Variants in GABRB1 observed in about 807,000 individuals in gnomAD.
GABRB1 encodes gamma-aminobutyric acid receptor subunit beta-1.
A neutral mutation model predicts 51.6 loss-of-function variants in GABRB1; 17 were observed. The observed-to-expected ratio is 0.33, with a 90% CI of 0.23 to 0.49. GABRB1 has a LOEUF of 0.49. Among genes scored for constraint, GABRB1 ranks in the 20% least tolerant of loss-of-function variants. The pLI, the probability that GABRB1 is intolerant of heterozygous loss-of-function variation, is 0.99. For missense variants in GABRB1, 410 were observed against 600.6 expected (o/e 0.68, Z 3.32); for synonymous variants, 247 against 218.9 (o/e 1.13, Z -1.14).
At chr4:47,347,339 C>G (rs954855692) in intron 5 of GABRB1, among the ~76,000 whole-genome samples, 3 of 151,820 alleles carry the variant, frequency 2.0e-5, no homozygotes, top group African/African-American at 7.3e-5. Context: ...ATGTATTTCC[C>G]CCAAATGTGA....
At chr4:47,173,520 T>C (rs1050441803) in intron 4 of GABRB1, among the ~76,000 whole-genome samples, 3 of 152,154 alleles carry the variant, frequency 2.0e-5, no homozygotes, top group African/African-American at 4.8e-5. Context: ...AATGGAAAAC[T>C]GATATCAAAA....
At chr4:47,239,540 T>G (rs1444255199) in intron 4 of GABRB1, among the ~76,000 whole-genome samples, 2 of 152,240 alleles carry the variant, frequency 1.3e-5, no homozygotes, top group African/African-American at 4.8e-5. Context: ...ATCATTTCTA[T>G]ATAGCCTCAT....
intron 4 of GABRB1, among the ~76,000 whole-genome samples, chr4:47,171,227 C>A (rs949059776): frequency 1.3e-5 from 2 of 151,094 alleles, no homozygotes; most frequent in African/African-American, 4.9e-5. Flanking sequence ...AAATTCCTGA[C>A]CTTGATTGTA....
At chr4:47,132,803 A>C (rs1716483782) in intron 3 of GABRB1, among the ~76,000 whole-genome samples, 1 of 152,206 alleles carries the variant, frequency 6.6e-6, no homozygotes. Context: ...AGACCCAGAG[A>C]GTCTCCAGTG....
intron 3 of GABRB1, among the ~76,000 whole-genome samples, chr4:47,125,315 A>C (rs992734942): frequency 4.6e-5 from 7 of 152,116 alleles, no homozygotes; most frequent in Admixed American, 2.6e-4. Flanking sequence ...AAAATGTTAA[A>C]AGATGTTCTT....
At chr4:47,002,258 C>T (rs1560492245) in intron 1 of GABRB1, among the ~76,000 whole-genome samples, 1 of 152,182 alleles carries the variant, frequency 6.6e-6, no homozygotes, top group Non-Finnish European at 1.5e-5. Context: ...TCAACATTTA[C>T]TTTACAAGCT....
intron 4 of GABRB1, among the ~76,000 whole-genome samples, chr4:47,188,237 T>C (rs1441954022): frequency 6.6e-6 from 1 of 151,998 alleles, no homozygotes; most frequent in African/African-American, 2.4e-5. Context: ...ACAGTCAAAT[T>C]AACATCTTTT....
intron 3 of GABRB1, among the ~76,000 whole-genome samples, chr4:47,033,299 C>T (rs1287852410): frequency 6.6e-6 from 1 of 152,132 alleles, no homozygotes; most frequent in Non-Finnish European, 1.5e-5. Flanking sequence ...TTTCTTCCCT[C>T]TCTTTTTGGA....
chr4:47,169,504 CT>C (rs33940206), intron 4 of GABRB1, among the ~76,000 whole-genome samples: 20,692 of 143,474 alleles, frequency 0.14, 1,779 homozygotes, highest in East Asian at 0.32. Context: ...GTGGAAGGCA[CT>C]TTTTTTTTTT....
At chr4:47,240,754 G>A (rs537018185) in intron 4 of GABRB1, among the ~76,000 whole-genome samples, 135 of 152,160 alleles carry the variant, frequency 8.9e-4, no homozygotes, top group Non-Finnish European at 9.7e-4. Flanking sequence ...CAACCTAACA[G>A]AACTTTGGTG....
chr4:47,087,048 G>A (rs1286814168), intron 3 of GABRB1, among the ~76,000 whole-genome samples: 1 of 152,136 alleles, frequency 6.6e-6, no homozygotes, highest in Non-Finnish European at 1.5e-5. Flanking sequence ...CTCCACCTGG[G>A]TATAACCAAC....
chr4:47,128,138 A>G (rs1716248248), intron 3 of GABRB1, among the ~76,000 whole-genome samples: 1 of 151,856 alleles, frequency 6.6e-6, no homozygotes, highest in Non-Finnish European at 1.5e-5. Flanking sequence ...TAATCTAAAA[A>G]GATGTAATCT....
At chr4:47,238,180 T>C (rs771770845) in intron 4 of GABRB1, among the ~76,000 whole-genome samples, 6 of 151,928 alleles carry the variant, frequency 3.9e-5, no homozygotes, top group Admixed American at 6.6e-5. Flanking sequence ...GTAAGGCACA[T>C]TGCAGTAAAA....
At chr4:47,405,774 ATT>A (rs1341190696) in intron 7 of GABRB1, among the ~76,000 whole-genome samples, 1 of 152,192 alleles carries the variant, frequency 6.6e-6, no homozygotes, top group African/African-American at 2.4e-5. Flanking sequence ...TCTACACTAG[ATT>A]CCAACTTCTT....
intron 5 of GABRB1, among the ~76,000 whole-genome samples, chr4:47,386,919 G>C (rs943538874): frequency 1.2e-4 from 18 of 152,160 alleles, no homozygotes; most frequent in Admixed American, 1.0e-3. Context: ...AAAAATATGA[G>C]AAACATAGAG....
rs576224254 is a variant in GABRB1 at position 47,186,688 on chromosome 4, T to C, written c.461+25219T>C. 7.2e-5 allele frequency among the ~76,000 whole-genome samples: 11 copies of C among 151,892 alleles called. No homozygotes were observed. The South Asian group carries it at 1.9e-3, about 26-fold the overall frequency. On this transcript the variant is annotated intron_variant, in intron 4 of 8. Transcript: ENST00000295454. The stretch of plus-strand genomic sequence containing the variant: ...TCAGAAATTCTCTGTCTTGAACAAA[T>C]AACTCAAAAGGAATATTCTACTAAA...
intron 4 of GABRB1, among the ~76,000 whole-genome samples, chr4:47,286,511 CT>C (rs1723514997): frequency 6.6e-6 from 1 of 152,154 alleles, no homozygotes. Flanking sequence ...GACAAGCCCC[CT>C]GTGCTCCTGC....
chr4:47,421,340 C>T (rs150762033), intron 8 of GABRB1, among the ~76,000 whole-genome samples: 2 of 152,186 alleles, frequency 1.3e-5, no homozygotes, highest in African/African-American at 2.4e-5. Context: ...TAATTAGGAG[C>T]ATCTGTATGC....
chr4:47,403,630 A>T lies in GABRB1; in HGVS notation c.754A>T (p.Met252Leu). The change falls in exon 7 of 9, where the codon ATG (methionine) becomes TTG (leucine). Residue 252 changes from methionine (M) to leucine (L), a missense_variant. This residue lies in a region of GABRB1 where 37 missense variants were observed against 126.3 expected (regional missense o/e 0.29). Transcript: ENST00000295454. Reference sequence around the variant, plus strand: ...TGGTTACTTCATTTTGCAAACCTACATGCCTTCTACACTGATTACAATTCT... The same window carrying T: ...TGGTTACTTCATTTTGCAAACCTACTTGCCTTCTACACTGATTACAATTCT... ...NIGYFILQTY[M>L]PSTLITILSW... 6.2e-7 allele frequency: 1 copy of T among 1,613,958 alleles called. No homozygotes were observed. Among genetic ancestry groups the T allele is most frequent in the Non-Finnish European group, 8.5e-7 (1 of 1,179,922 alleles).
Sources: gnomAD v4.1 joint callset for allele counts (sites outside exome capture counted in the v4.1 genomes callset) on GRCh38, gnomAD v4.1.1 for gene constraint, gnomAD v4.1.1 regional missense constraint, MANE v1.5 for transcripts, NCBI Gene and HGNC (gene_info 2026-07-23, HGNC 2026-07-21) for gene names.